CCDC191: variants seen among roughly 807,000 people sequenced by gnomAD.
CCDC191 encodes the protein coiled-coil domain containing 191, also known as coiled-coil domain-containing protein 191.
A neutral mutation model predicts 114.0 loss-of-function variants in CCDC191; 99 were observed. The ratio of observed to expected loss-of-function variants is 0.87; its 90% CI spans 0.74 to 1.03. The LOEUF is 1.03. Among genes scored for constraint, CCDC191 ranks in the 50% least tolerant of loss-of-function variants. The pLI is 0.00. For synonymous variants in CCDC191, 351 were observed against 376.0 expected (o/e 0.93, Z 0.77); for missense variants, 973 against 1,087.0 (o/e 0.90, Z 1.47).
intron 7 of CCDC191, among the ~76,000 whole-genome samples, chr3:114,020,625 A>C (rs1425579970): frequency 6.6e-6 from 1 of 152,128 alleles, no homozygotes; most frequent in Non-Finnish European, 1.5e-5. Context: ...TGCCTTTTGC[A>C]TCATTTGTTT....
In CCDC191 at chr3:114,036,695, T is replaced by C. The variant is rs756361058; in HGVS notation, c.507A>G (p.Ala169=). ...CCTTCCTTCCAAGATCTTCCATCAT[T>C]GCAGAATCTACCACATTTTTATGGA... ...HLLHKNVVDS[A]MMEDLGRKEN... is the part of the protein sequence containing the mutation. The change falls in exon 5 of 17, where the codon GCA becomes GCG. Residue 169 remains alanine, a synonymous_variant. Transcript: ENST00000295878. The C allele has an allele frequency of 8.1e-6, 13 of 1,602,374 alleles. No individual in the cohort carries two copies. The African/African-American group carries it at 1.2e-4, about 15-fold the overall frequency.
intron 7 of CCDC191, among the ~76,000 whole-genome samples, chr3:114,023,661 A>G (rs1181834420): frequency 1.3e-5 from 2 of 152,376 alleles, no homozygotes; most frequent in African/African-American, 4.8e-5. Context: ...ATATGGAGAA[A>G]GCTGAAAATG....
chr3:114,031,443 C>T (rs1346792427), intron 7 of CCDC191, among the ~76,000 whole-genome samples, 183 bp downstream of exon 7: 3 of 152,188 alleles, frequency 2.0e-5, no homozygotes, highest in Non-Finnish European at 2.9e-5. Context: ...AGCCTCAGAA[C>T]AGGGGATTTG....
At chr3:114,024,177 G>A (rs1255990199) in intron 7 of CCDC191, among the ~76,000 whole-genome samples, 3 of 152,270 alleles carry the variant, frequency 2.0e-5, no homozygotes, top group Admixed American at 1.3e-4. Context: ...TTAGAATGGC[G>A]ATTATTAAAA....
chr3:113,982,307 T>C (rs946729684), intron 13 of CCDC191, among the ~76,000 whole-genome samples: 8 of 152,212 alleles, frequency 5.3e-5, no homozygotes, highest in African/African-American at 1.9e-4. Flanking sequence ...TATTCTTACA[T>C]AGCAATTTAA....
At chr3:114,056,351 C>T (rs1300750463) in intron 1 of CCDC191, 26 bp downstream of exon 1, 1 of 1,609,710 alleles carries the variant, frequency 6.2e-7, no homozygotes, top group East Asian at 2.2e-5. Context: ...AAGTCCCCGC[C>T]CTCCAAAGCT....
intron 7 of CCDC191, among the ~76,000 whole-genome samples, chr3:114,029,142 A>G (rs1485174562): frequency 6.6e-6 from 1 of 152,158 alleles, no homozygotes; most frequent in Non-Finnish European, 1.5e-5. Flanking sequence ...TAGGGTGAGG[A>G]CAGGTAAAAC....
chr3:114,046,258 T>C (rs190300685), intron 3 of CCDC191, among the ~76,000 whole-genome samples: 5 of 152,368 alleles, frequency 3.3e-5, no homozygotes, highest in Admixed American at 2.0e-4. Context: ...ATAAAACTGA[T>C]TTATAGACTA....
At chr3:114,007,335 T>C (rs1331482442) in intron 9 of CCDC191, among the ~76,000 whole-genome samples, 2 of 152,190 alleles carry the variant, frequency 1.3e-5, no homozygotes, top group Non-Finnish European at 2.9e-5. Context: ...CAGGACCCCA[T>C]CCTTAGGGAC....
rs1486524853 is a variant in CCDC191, at chr3:114,000,834, T to TA, written c.2163+760dup. On this transcript the variant is annotated intron_variant, in intron 13 of 16. Transcript: ENST00000295878. ...GCCCAGATGATTAAAATTTTTTTTTTATCGAGGCAGGGTCTTAACATCTTG... is the reference window on the plus strand; with the variant it reads ...GCCCAGATGATTAAAATTTTTTTTTTAATCGAGGCAGGGTCTTAACATCTTG... 7.9e-5 allele frequency among the ~76,000 whole-genome samples: 12 copies of TA among 151,790 alleles called. No individual in the cohort carries two copies. The East Asian group carries it at 1.9e-3, about 25-fold the overall frequency.
chr3:113,988,042 A>AAT lies in CCDC191; in HGVS notation c.2164-7251_2164-7250dup, dbSNP rs374183079. 2.9e-3 allele frequency among the ~76,000 whole-genome samples: 430 copies of AAT among 148,184 alleles called. 2 individuals carry two copies. Among genetic ancestry groups the AAT allele is most frequent in the African/African-American group, 5.4e-3 (220 of 40,628 alleles). On this transcript the variant is annotated intron_variant, in intron 13 of 16. Coordinates refer to ENST00000295878, the MANE Select transcript of CCDC191 (RefSeq NM_020817.2). Reference sequence around the variant, plus strand: ...GGGCGACAGAGCAAGACTCCATCTCAATATATATATATATATATTTAAAGA... The same window carrying AAT: ...GGGCGACAGAGCAAGACTCCATCTCAATATATATATATATATATATTTAAAGA...
At position 113,965,277 on chromosome 3, in the gene CCDC191, G is replaced by C; in HGVS notation, c.2689C>G (p.Gln897Glu). Reference sequence around the variant, plus strand: ...TCAACTACCTTCCTACGAAGTTGCTGTCGCCTTTCTTCTTTTACTCTTTCC... The same window carrying C: ...TCAACTACCTTCCTACGAAGTTGCTCTCGCCTTTCTTCTTTTACTCTTTCC... Reference protein sequence around the residue: ...KEERVKEERRQQLRRKVVEIL... With the variant: ...KEERVKEERREQLRRKVVEIL... The change falls in exon 17 of 17, where the codon CAG becomes GAG. Residue 897 changes from glutamine to glutamate, a missense_variant. By Grantham distance (29) the Gln-to-Glu change is conservative. Transcript: ENST00000295878. 1 of 1,612,422 alleles carries C rather than the reference G, an allele frequency of 6.2e-7. No homozygotes were observed.
chr3:114,020,658 T>C (rs1346181781), intron 7 of CCDC191, among the ~76,000 whole-genome samples: 1 of 152,072 alleles, frequency 6.6e-6, no homozygotes, highest in Non-Finnish European at 1.5e-5. Flanking sequence ...AAATACAGCA[T>C]GAAAAAAATG....
intron 7 of CCDC191, among the ~76,000 whole-genome samples, chr3:114,022,775 A>C (rs62267072): frequency 0.074 from 11,280 of 152,214 alleles, 471 homozygotes; most frequent in Middle Eastern, 0.11. Flanking sequence ...TTAGAGAGGT[A>C]GTTTTAAGTT....
At position 113,965,241 on chromosome 3, in the gene CCDC191, C is replaced by T; in HGVS notation, c.2725G>A (p.Asp909Asn). The T allele has an allele frequency of 6.2e-7, 1 of 1,611,816 alleles. No individual in the cohort carries two copies. Among genetic ancestry groups the T allele is most frequent in the Non-Finnish European group, 8.5e-7 (1 of 1,178,768 alleles). The change falls in exon 17 of 17, where the codon GAC becomes AAC. Residue 909 changes from aspartate to asparagine, a missense_variant. Coordinates refer to ENST00000295878, the MANE Select transcript of CCDC191 (RefSeq NM_020817.2). ...TGGTACCTTCCAGGTACCTGGAAGT[C>T]TGGAAGAATTTCAACTACCTTCCTA... Reference protein sequence around the residue: ...LRRKVVEILPDFQVPGRYHEL... With the variant: ...LRRKVVEILPNFQVPGRYHEL...
At chr3:114,023,837 A>G (rs1017759431) in intron 7 of CCDC191, among the ~76,000 whole-genome samples, 60 of 152,126 alleles carry the variant, frequency 3.9e-4, no homozygotes, top group Middle Eastern at 6.8e-3. Context: ...AATGGCAACA[A>G]AAGCCAAAAT....
rs1412002102 is a variant in CCDC191 at position 114,005,901 on chromosome 3, C to G, written c.1475G>C (p.Ser492Thr). Residue 492 changes from serine (S) to threonine (T), a missense_variant, in exon 10 of 17, where the codon AGT becomes ACT. Coordinates refer to ENST00000295878, the MANE Select transcript of CCDC191 (RefSeq NM_020817.2). ...PPLGSSGCMLSPPLGRTTTGN... is the reference protein window; with the variant it reads ...PPLGSSGCMLTPPLGRTTTGN... ...TGTTGTTGTTCTTCCCAGGGGAGGACTGAGCATACAACCACTGCTTCCCAA... is the reference window on the plus strand; with the variant it reads ...TGTTGTTGTTCTTCCCAGGGGAGGAGTGAGCATACAACCACTGCTTCCCAA... 2 of 1,614,078 alleles carry G rather than the reference C, an allele frequency of 1.2e-6. No homozygotes were observed. The highest frequency in any genetic ancestry group is 3.3e-5 in the Admixed American group (2 of 60,004).
chr3:114,006,291 G>C (rs370787424), intron 9 of CCDC191, among the ~76,000 whole-genome samples: 2 of 151,802 alleles, frequency 1.3e-5, no homozygotes, highest in African/African-American at 4.8e-5. Context: ...TCTACTAAAG[G>C]TACAAAAGTT....
At chr3:114,003,225 C>T (rs1036270856) in intron 11 of CCDC191, 204 of 985,254 alleles carry the variant, frequency 2.1e-4, no homozygotes, top group Non-Finnish European at 2.4e-4. Context: ...ACTCTATAAT[C>T]AGTTGGGGCT....
Sources: allele counts gnomAD v4.1 joint callset (sites outside exome capture counted in the v4.1 genomes callset), GRCh38; gene constraint gnomAD v4.1.1; transcripts MANE v1.5; gene names NCBI Gene and HGNC (gene_info 2026-07-23, HGNC 2026-07-21).